Variants in EFNA5 observed in about 807,000 individuals in gnomAD.
EFNA5 encodes ephrin-A5.
Under a neutral mutation model 22.9 loss-of-function variants are expected in EFNA5, and 5 were observed. The observed-to-expected ratio is 0.22, with a 90% CI of 0.11 to 0.46. The LOEUF (loss-of-function observed/expected upper bound fraction) is 0.46. Ranked by LOEUF, EFNA5 falls within the 20% of genes least tolerant of loss-of-function variation. The probability of loss-of-function intolerance (pLI) is 0.99; values close to 1 mark genes in which losing one functional copy is unlikely to be tolerated. For synonymous variants in EFNA5, 113 were observed against 112.2 expected (o/e 1.01, Z -0.04); for missense variants, 237 against 293.3 (o/e 0.81, Z 1.40).
chr5:107,642,021 T>G (rs1395593392), intron 1 of EFNA5, among the ~76,000 whole-genome samples: 2 of 152,144 alleles, frequency 1.3e-5, no homozygotes, highest in Admixed American at 6.5e-5. Context: ...CTGGATTAAG[T>G]GGAGACAAGG....
intron 4 of EFNA5, among the ~76,000 whole-genome samples, chr5:107,386,508 T>C (rs939776289): frequency 6.6e-6 from 1 of 152,218 alleles, no homozygotes; most frequent in Non-Finnish European, 1.5e-5. Flanking sequence ...GGTTTTATTT[T>C]TCTTTAGTTA....
chr5:107,553,680 A>G (rs1748348325), intron 1 of EFNA5, among the ~76,000 whole-genome samples: 1 of 152,220 alleles, frequency 6.6e-6, no homozygotes, highest in Non-Finnish European at 1.5e-5. Flanking sequence ...ACATTAGTGT[A>G]TCTTCTTGCA....
intron 1 of EFNA5, among the ~76,000 whole-genome samples, chr5:107,518,581 C>CAAA (rs11376049): frequency 3.9e-4 from 57 of 147,530 alleles, no homozygotes; most frequent in African/African-American, 1.2e-3. Flanking sequence ...TACACCATGC[C>CAAA]AAAAAAAAAA....
intron 1 of EFNA5, among the ~76,000 whole-genome samples, chr5:107,462,695 T>C (rs991324990): frequency 5.9e-5 from 9 of 152,160 alleles, no homozygotes; most frequent in Admixed American, 6.6e-5. Flanking sequence ...CCCTGCTATG[T>C]GGGACAGTGC....
chr5:107,515,900 G>C (rs923436392), intron 1 of EFNA5, among the ~76,000 whole-genome samples: 3 of 152,010 alleles, frequency 2.0e-5, no homozygotes, highest in Non-Finnish European at 4.4e-5. Context: ...AAATGAACAG[G>C]GTTTATTTTA....
At chr5:107,610,584 T>C (rs1307476294) in intron 1 of EFNA5, among the ~76,000 whole-genome samples, 1 of 152,220 alleles carries the variant, frequency 6.6e-6, no homozygotes, top group Admixed American at 6.5e-5. Flanking sequence ...ATGCTATCAT[T>C]GAATCATCAC....
At chr5:107,588,698 T>C (rs962047636) in intron 1 of EFNA5, among the ~76,000 whole-genome samples, 1 of 152,200 alleles carries the variant, frequency 6.6e-6, no homozygotes, top group Admixed American at 6.5e-5. Context: ...AAGAAACATT[T>C]AGCAACTGTT....
At chr5:107,521,477 T>TATATATATA (rs1491511875) in intron 1 of EFNA5, among the ~76,000 whole-genome samples, 3 of 92,726 alleles carry the variant, frequency 3.2e-5, no homozygotes, top group African/African-American at 2.2e-4. Flanking sequence ...TATATATATA[T>TATATATATA]TTTTTTTTTT....
intron 1 of EFNA5, among the ~76,000 whole-genome samples, chr5:107,605,981 T>C (rs1228598739): frequency 6.6e-6 from 1 of 152,132 alleles, no homozygotes; most frequent in Non-Finnish European, 1.5e-5. Context: ...ATCACTCAGG[T>C]CACTTCAAGG....
At chr5:107,562,817 T>C (rs1037298932) in intron 1 of EFNA5, among the ~76,000 whole-genome samples, 1 of 152,236 alleles carries the variant, frequency 6.6e-6, no homozygotes, top group East Asian at 1.9e-4. Flanking sequence ...AAACAATATA[T>C]TGGTGTATGA....
At chr5:107,480,816 AG>A (rs1750438211) in intron 1 of EFNA5, among the ~76,000 whole-genome samples, 1 of 152,216 alleles carries the variant, frequency 6.6e-6, no homozygotes, top group Non-Finnish European at 1.5e-5. Flanking sequence ...GGCAAGTGGA[AG>A]GAACGAGCAA....
chr5:107,421,025 T>G (rs1374564968), intron 2 of EFNA5, among the ~76,000 whole-genome samples: 1 of 152,184 alleles, frequency 6.6e-6, no homozygotes, highest in Non-Finnish European at 1.5e-5. Flanking sequence ...TTACTGAATA[T>G]TCTTATACTT....
chr5:107,598,359 T>C (rs1413301073), intron 1 of EFNA5, among the ~76,000 whole-genome samples: 1 of 151,972 alleles, frequency 6.6e-6, no homozygotes, highest in African/African-American at 2.4e-5. Context: ...AGTGGAAGAG[T>C]AAATACTCCA....
chr5:107,603,559 A>T (rs1176241052), intron 1 of EFNA5, among the ~76,000 whole-genome samples: 1 of 152,204 alleles, frequency 6.6e-6, no homozygotes, highest in Non-Finnish European at 1.5e-5. Flanking sequence ...GTTCATTTCA[A>T]TTACTACTGT....
intron 1 of EFNA5, among the ~76,000 whole-genome samples, chr5:107,520,952 G>T (rs1400124804): frequency 2.0e-5 from 3 of 152,102 alleles, no homozygotes; most frequent in Non-Finnish European, 4.4e-5. Flanking sequence ...TATTTTCCAA[G>T]CTTCCATTCT....
At chr5:107,503,321 C>A (rs898101812) in intron 1 of EFNA5, among the ~76,000 whole-genome samples, 2 of 152,180 alleles carry the variant, frequency 1.3e-5, no homozygotes, top group African/African-American at 4.8e-5. Flanking sequence ...AATGCCTTCA[C>A]GTAAAATGTC....
At chr5:107,591,184 T>C (rs1027662252) in intron 1 of EFNA5, among the ~76,000 whole-genome samples, 1 of 152,130 alleles carries the variant, frequency 6.6e-6, no homozygotes, top group Non-Finnish European at 1.5e-5. Context: ...TCAGCCAACA[T>C]AGGTATCTTA....
chr5:107,645,075 T>C (rs1186596282), intron 1 of EFNA5, among the ~76,000 whole-genome samples: 3 of 152,200 alleles, frequency 2.0e-5, no homozygotes, highest in Admixed American at 2.0e-4. Flanking sequence ...ACATGTGCCA[T>C]GGTGGTTTGC....
intron 1 of EFNA5, among the ~76,000 whole-genome samples, chr5:107,523,538 G>A (rs116329372): frequency 0.014 from 2,174 of 152,230 alleles, 52 homozygotes; most frequent in African/African-American, 0.049. Flanking sequence ...TGTGCCTTTC[G>A]GCCTGCTAAG....
Sources: allele counts gnomAD v4.1 joint callset (sites outside exome capture counted in the v4.1 genomes callset), GRCh38; gene constraint gnomAD v4.1.1; transcripts MANE v1.5; gene names NCBI Gene and HGNC (gene_info 2026-07-23, HGNC 2026-07-21).